Variants in FRRS1 observed in about 807,000 individuals in gnomAD.
FRRS1 encodes ferric chelate reductase 1, also known as ferric reductase 1.
FRRS1 carries 51 observed loss-of-function variants against 70.7 expected under a neutral mutation model. The observed-to-expected ratio is 0.72, with a 90% confidence interval of 0.58 to 0.91. The LOEUF (loss-of-function observed/expected upper bound fraction) is 0.91, where lower values mean the gene tolerates loss of function less well. Among genes scored for constraint, FRRS1 ranks in the 40% least tolerant of loss-of-function variants. The probability of loss-of-function intolerance (pLI) is 0.00; values close to 1 mark genes in which losing one functional copy is unlikely to be tolerated. For synonymous variants in FRRS1, 225 were observed against 238.7 expected, an observed-to-expected ratio of 0.94 and a Z score of 0.53; for missense variants, 672 against 726.0, an observed-to-expected ratio of 0.93 and a Z score of 0.86.
At chr1:99,750,181 C>T (rs1009987132) in intron 1 of FRRS1, among the ~76,000 whole-genome samples, 6 of 152,102 alleles carry the variant, frequency 3.9e-5, no homozygotes, top group African/African-American at 1.2e-4. Flanking sequence ...AACCTTGAAG[C>T]GGTTGTGAAG....
chr1:99,740,202 C>T (rs996280742), intron 6 of FRRS1, among the ~76,000 whole-genome samples: 6 of 148,608 alleles, frequency 4.0e-5, no homozygotes, highest in African/African-American at 1.5e-4. Flanking sequence ...TGATATCTGG[C>T]TGTGTTTAAA....
At chr1:99,755,219 A>G (rs1427011988) in intron 1 of FRRS1, among the ~76,000 whole-genome samples, 1 of 151,934 alleles carries the variant, frequency 6.6e-6, no homozygotes, top group Non-Finnish European at 1.5e-5. Flanking sequence ...CAGGAGTTCA[A>G]GACCAGCCTG....
At chr1:99,710,131 T>C (rs1414980052) in intron 15 of FRRS1, among the ~76,000 whole-genome samples, 1 of 152,148 alleles carries the variant, frequency 6.6e-6, no homozygotes, top group African/African-American at 2.4e-5. Context: ...ACATATACAC[T>C]AGACAACAAA....
At chr1:99,748,314 T>C (rs1656391271) in intron 3 of FRRS1, 1 of 290,378 alleles carries the variant, frequency 3.4e-6, no homozygotes. Flanking sequence ...ACTTCATTTT[T>C]CTCTTCTCTT....
intron 7 of FRRS1, among the ~76,000 whole-genome samples, chr1:99,734,489 G>C (rs1245057226): frequency 9.3e-6 from 1 of 107,994 alleles, no homozygotes; most frequent in African/African-American, 8.1e-5. Flanking sequence ...GCAAATCTAG[G>C]TGAAGGGCTT....
intron 4 of FRRS1, among the ~76,000 whole-genome samples, chr1:99,744,593 C>T (rs1656148154): frequency 6.6e-6 from 1 of 152,186 alleles, no homozygotes; most frequent in Non-Finnish European, 1.5e-5. Flanking sequence ...TCAAGACCAG[C>T]CTGACTAACA....
chr1:99,715,462 C>A, intron 12 of FRRS1, 124 bp downstream of exon 12: 1 of 634,646 alleles, frequency 1.6e-6, no homozygotes, highest in Non-Finnish European at 2.9e-6. Context: ...TCCAATGATT[C>A]AAAAGGGAAA....
chr1:99,754,735 G>A (rs1344639455), intron 1 of FRRS1, among the ~76,000 whole-genome samples: 1 of 152,198 alleles, frequency 6.6e-6, no homozygotes, highest in African/African-American at 2.4e-5. Context: ...AAATTCGTGG[G>A]ATGCCGCAAA....
At position 99,710,689 on chromosome 1, in the gene FRRS1, A is replaced by G. The variant is rs150679490; in HGVS notation, c.1624+117T>C. ...AATTTCTAGCACTGGCTGAGTGATC[A>G]CAAGTTTTTAGTGAGCTAACAATGT... On this transcript the variant is annotated intron_variant, in intron 15 of 16. Transcript: ENST00000646001. The G allele has an allele frequency of 9.5e-4, 789 of 831,516 alleles. 8 individuals carry two copies. In the East Asian group the frequency reaches 0.019, roughly 20 times the overall value. The allele number at this position is 831,516 out of a possible 1,614,324, so 51.5% of individuals were successfully genotyped here. A position where few individuals can be genotyped will look rare whatever the true frequency, so the allele number is the denominator to read the frequency against.
chr1:99,721,252 A>G (rs1335233176), intron 9 of FRRS1, among the ~76,000 whole-genome samples: 1 of 151,906 alleles, frequency 6.6e-6, no homozygotes, highest in Non-Finnish European at 1.5e-5. Flanking sequence ...GCTGGTGGGC[A>G]CCTGTAATCC....
At chr1:99,737,887 C>G (rs920371008) in intron 7 of FRRS1, among the ~76,000 whole-genome samples, 199 bp downstream of exon 7, 1 of 151,974 alleles carries the variant, frequency 6.6e-6, no homozygotes, top group African/African-American at 2.4e-5. Context: ...GGATTACAAG[C>G]GCCCGCCACG....
chr1:99,757,082 T>G (rs183841512), intron 1 of FRRS1, among the ~76,000 whole-genome samples: 1 of 117,560 alleles, frequency 8.5e-6, no homozygotes, highest in Non-Finnish European at 1.5e-5. Context: ...AAGGGTCTCT[T>G]TTTTTTTTTT....
intron 11 of FRRS1, among the ~76,000 whole-genome samples, chr1:99,716,379 G>A (rs1654530550): frequency 6.6e-6 from 1 of 152,222 alleles, no homozygotes; most frequent in Admixed American, 6.5e-5. Flanking sequence ...AAAGGCAGTG[G>A]AGGATTTGAG....
intron 1 of FRRS1, among the ~76,000 whole-genome samples, chr1:99,760,215 C>T (rs940381489): frequency 6.6e-6 from 1 of 152,232 alleles, no homozygotes; most frequent in Non-Finnish European, 1.5e-5. Context: ...TCACTATTAA[C>T]TTTCCATCTC....
At chr1:99,711,720 C>A (rs926168242) in intron 14 of FRRS1, among the ~76,000 whole-genome samples, 1 of 152,172 alleles carries the variant, frequency 6.6e-6, no homozygotes, top group African/African-American at 2.4e-5. Context: ...CTGGAAGATA[C>A]AAGCCCCATG....
At chr1:99,728,266 A>AT (rs143192259) in intron 9 of FRRS1, among the ~76,000 whole-genome samples, 107 of 152,128 alleles carry the variant, frequency 7.0e-4, no homozygotes, top group Admixed American at 1.8e-3. Context: ...ATCAGAAGCC[A>AT]TTTTTGTCTT....
In FRRS1 at chr1:99,710,916, C is replaced by A; in HGVS notation, c.1514G>T (p.Gly505Val). The A allele has an allele frequency of 6.2e-7, 1 of 1,613,812 alleles. No individual in the cohort carries two copies. The highest frequency in any genetic ancestry group is 1.1e-5 in the South Asian group (1 of 91,006). ...AAMFLGMDLP[G>V]LNLPDSWKTY... ...TTTCCATGAATCAGGAAGATTCAGT[C>A]CTGGTAAATCCATTCCCAGGAACAT... The change falls in exon 15 of 17, where the codon GGA becomes GTA. Residue 505 changes from glycine (G) to valine (V), a missense_variant. Transcript: ENST00000646001.
intron 9 of FRRS1, among the ~76,000 whole-genome samples, chr1:99,723,086 A>AATATATATATATAT (rs983536590): frequency 4.5e-4 from 68 of 152,356 alleles, no homozygotes; most frequent in African/African-American, 1.5e-3. Context: ...AAAGTAACCA[A>AATATATATATATAT]ATATATATGC....
intron 7 of FRRS1, among the ~76,000 whole-genome samples, chr1:99,735,054 G>GGT (rs1655583320): frequency 6.6e-6 from 1 of 152,214 alleles, no homozygotes; most frequent in Non-Finnish European, 1.5e-5. Flanking sequence ...GGTATGTACA[G>GGT]TACATCTTCA....
Sources: allele counts gnomAD v4.1 joint callset (sites outside exome capture counted in the v4.1 genomes callset), GRCh38; gene constraint gnomAD v4.1.1; transcripts MANE v1.5; gene names NCBI Gene and HGNC (gene_info 2026-07-23, HGNC 2026-07-21).